ZNF34: variants seen among roughly 807,000 people sequenced by gnomAD.
ZNF34 encodes zinc finger protein 34 (KOX 32).
In ZNF34, 8 loss-of-function variants were observed where a neutral mutation model predicts 14.4. That is an observed-to-expected ratio of 0.55 (90% CI 0.33 to 1.00). The LOEUF (loss-of-function observed/expected upper bound fraction) is 1.00. ZNF34 is among the 50% of genes least tolerant of loss of function. The pLI is 0.03. For missense variants in ZNF34, 538 were observed against 674.2 expected, an observed-to-expected ratio of 0.80 and a Z score of 2.24; for synonymous variants, 235 against 247.9, an observed-to-expected ratio of 0.95 and a Z score of 0.49.
chr8:144,785,696 A>T (rs1470007791), intron 1 of ZNF34: 1 of 152,254 alleles, frequency 6.6e-6, no homozygotes, highest in East Asian at 1.9e-4. Context: ...GTAAACTGGT[A>T]GACACTCTAG....
In ZNF34 at chr8:144,774,148, G is replaced by A. The variant is rs765062688; in HGVS notation, c.738C>T (p.Val246=). 5 of 1,613,904 alleles carry A rather than the reference G, an allele frequency of 3.1e-6. No homozygotes were observed. The highest frequency in any genetic ancestry group is 3.3e-5 in the Admixed American group (2 of 59,990). ...CTTCAGTGTGAAGCCGCTGATGCTT[G>A]ACAAGGTTGGCACTGTACCTGAATG... is the stretch of plus-strand genomic sequence containing the variant. The part of the protein sequence containing the change: ...GKTFRYSANL[V]KHQRLHTEEK... Residue 246 remains valine (V), a synonymous_variant, in exon 6 of 6, where the codon GTC becomes GTT. Coordinates refer to ENST00000429371, the MANE Select transcript of ZNF34 (RefSeq NM_001286769.2).
At position 144,772,491 on chromosome 8, in the gene ZNF34, G is replaced by A. The variant is rs71520596; in HGVS notation, c.*775C>T. ...TTTCATATTATGTTATTTCACCACA[G>A]TTAAAGGCAACTTCAACTCTATTGA... On this transcript the variant is annotated 3_prime_UTR_variant, in exon 6 of 6. Coordinates refer to ENST00000429371, the MANE Select transcript of ZNF34 (RefSeq NM_001286769.2). Among the ~76,000 whole-genome samples the A allele has an allele frequency of 0.024, 3,582 of 152,292 alleles. 43 individuals carry two copies. The highest frequency in any genetic ancestry group is 0.034 in the Non-Finnish European group (2,336 of 68,030).
intron 1 of ZNF34, 46 bp from the exon 2 acceptor site, chr8:144,780,326 A>G (rs753762978): frequency 2.3e-5 from 32 of 1,364,612 alleles, no homozygotes; most frequent in Non-Finnish European, 3.3e-5. Flanking sequence ...TTAATATTAG[A>G]TCAAACACTA....
rs1825235032 is a variant in ZNF34 at position 144,772,485 on chromosome 8, A to C, written c.*781T>G. Among the ~76,000 whole-genome samples, 1 of 152,264 alleles carries C rather than the reference A, an allele frequency of 6.6e-6. No individual in the cohort carries two copies. The highest frequency in any genetic ancestry group is 1.5e-5 in the Non-Finnish European group (1 of 68,048). On this transcript the variant is annotated 3_prime_UTR_variant, in exon 6 of 6. Transcript: ENST00000429371. The stretch of plus-strand genomic sequence containing the variant: ...TGTAAATTTCATATTATGTTATTTC[A>C]CCACAGTTAAAGGCAACTTCAACTC...
rs1825729832 is a variant in ZNF34 at position 144,779,400 on chromosome 8, T to C, written c.-55+828A>G. Among the ~76,000 whole-genome samples, 1 of 152,184 alleles carries C rather than the reference T, an allele frequency of 6.6e-6. No individual in the cohort carries two copies. The highest frequency in any genetic ancestry group is 2.4e-5 in the African/African-American group (1 of 41,442). ...ACCTGTCTACCCTCATGTCCGCACA[T>C]CCTCACCACCTGCTTCTTTGTTCGA... On this transcript the variant is annotated intron_variant, in intron 2 of 5. Coordinates refer to ENST00000429371, the MANE Select transcript of ZNF34 (RefSeq NM_001286769.2). This position sits in a 1 kb window ranked among gnomAD's most constrained non-coding sequence, Gnocchi z 4.1.
intron 2 of ZNF34, among the ~76,000 whole-genome samples, chr8:144,778,871 T>G (rs952363870): frequency 3.9e-5 from 6 of 152,066 alleles, no homozygotes; most frequent in African/African-American, 1.4e-4. Context: ...TAGCTAGGAC[T>G]ACAGGCGCGC....
Position 144,774,194 on chromosome 8 carries a change from T to C in ZNF34, c.692A>G (p.Tyr231Cys), listed in dbSNP as rs368658237. 5.3e-5 allele frequency: 86 copies of C among 1,613,734 alleles called. No individual in the cohort carries two copies. Among genetic ancestry groups the C allele is most frequent in the Non-Finnish European group, 6.8e-5 (80 of 1,179,898 alleles). The part of the protein sequence containing the change: ...QKIPTGKKLH[Y>C]CSYCGKTFRY... ...GAATGTTTTCCCACAGTAACTGCAA[T>C]AATGCAATTTTTTCCCAGTAGGAAT... Residue 231 changes from tyrosine to cysteine, a missense_variant, in exon 6 of 6, where the codon TAT becomes TGT. This residue lies in a region of ZNF34 where 431 missense variants were observed against 525.7 expected (regional missense o/e 0.82). Transcript: ENST00000429371.
At chr8:144,782,370 A>C (rs184244364) in intron 1 of ZNF34, among the ~76,000 whole-genome samples, 136 of 151,452 alleles carry the variant, frequency 9.0e-4, no homozygotes, top group Non-Finnish European at 1.5e-3. Flanking sequence ...TGAACCTGTA[A>C]TCCCAGTAAC....
Position 144,773,812 on chromosome 8 carries a change from GAT to G in ZNF34, c.1072_1073del (p.Ile358ProfsTer13), listed in dbSNP as rs1310377187. ...GKAFSDGSIL[I>X]RHRRTHTGEK... ...CTCCGGTGTGAGTCCGACGATGTCG[GAT>G]AAGGATTGAGCCATCACTGAAGGCT... On this transcript the variant is annotated frameshift_variant, in exon 6 of 6. Transcript: ENST00000429371. LOFTEE classifies it low-confidence loss of function (END_TRUNC). The surrounding 1 kb of genome is among the most constrained non-coding windows in gnomAD (Gnocchi z 5.4). 4 of 1,613,964 alleles carry G rather than the reference GAT, an allele frequency of 2.5e-6. No individual in the cohort carries two copies. The Admixed American group carries it at 5.0e-5, about 20-fold the overall frequency.
rs751349175 is a variant in ZNF34 at position 144,773,692 on chromosome 8, A to G, written c.1194T>C (p.Tyr398=). Residue 398 remains tyrosine (Y), a synonymous_variant, in exon 6 of 6, where the codon TAT becomes TAC. Coordinates refer to ENST00000429371, the MANE Select transcript of ZNF34 (RefSeq NM_001286769.2). The surrounding 1 kb of genome is among the most constrained non-coding windows in gnomAD (Gnocchi z 5.4). The part of the protein sequence containing the change: ...HQRIHTGEKP[Y]KCNECEKAFI... ...AAGCTTTCTCACATTCATTACATTT[A>G]TAGGGTTTCTCTCCAGTGTGAATTC... 9.3e-6 allele frequency: 15 copies of G among 1,613,732 alleles called. No homozygotes were observed. In the African/African-American group the frequency reaches 2.0e-4, roughly 22 times the overall value.
intron 1 of ZNF34, among the ~76,000 whole-genome samples, chr8:144,785,922 T>A (rs1339649827): frequency 1.3e-5 from 2 of 151,674 alleles, no homozygotes; most frequent in African/African-American, 4.8e-5. Flanking sequence ...TAGAGCACAG[T>A]TATAAGGCTG....
At chr8:144,786,958 TGGAGCGCATC>T (rs919218852) in intron 1 of ZNF34, among the ~76,000 whole-genome samples, 9 of 152,058 alleles carry the variant, frequency 5.9e-5, no homozygotes, top group Non-Finnish European at 1.3e-4. Context: ...CCAAGGGGTC[TGGAGCGCATC>T]GGGACGCAGA....
Position 144,773,209 on chromosome 8 carries a change from C to G in ZNF34, c.*57G>C. 6.6e-7 allele frequency: 1 copy of G among 1,522,784 alleles called. No individual in the cohort carries two copies. The highest frequency in any genetic ancestry group is 8.8e-7 in the Non-Finnish European group (1 of 1,132,134). The allele number at this position is 1,522,784 out of a possible 1,614,324, so 94.3% of individuals were successfully genotyped here. A position where few individuals can be genotyped will look rare whatever the true frequency, so the allele number is the denominator to read the frequency against. On this transcript the variant is annotated 3_prime_UTR_variant, in exon 6 of 6. Coordinates refer to ENST00000429371, the MANE Select transcript of ZNF34 (RefSeq NM_001286769.2). The surrounding 1 kb of genome is among the most constrained non-coding windows in gnomAD (Gnocchi z 5.4). The stretch of plus-strand genomic sequence containing the variant: ...ATACATAAAGGGCAGAGTCAGGTGC[C>G]GGGGGCGCATGCAGGAAGTGCTCAG...
chr8:144,785,038 G>C (rs552222146), intron 1 of ZNF34, among the ~76,000 whole-genome samples: 2 of 143,348 alleles, frequency 1.4e-5, no homozygotes, highest in East Asian at 4.3e-4. Context: ...AATCGTTTGA[G>C]AGTGGGAGAT....
intron 5 of ZNF34, among the ~76,000 whole-genome samples, chr8:144,776,689 C>T (rs1304412484): frequency 2.0e-5 from 3 of 152,036 alleles, no homozygotes; most frequent in Admixed American, 6.6e-5. Context: ...GCGAGAGGAT[C>T]GCTTGAGCCT....
Position 144,774,577 on chromosome 8 carries a change from C to T in ZNF34, c.309G>A (p.Glu103=). 2 of 1,613,772 alleles carry T rather than the reference C, an allele frequency of 1.2e-6. No homozygotes were observed. The highest frequency in any genetic ancestry group is 2.2e-5 in the South Asian group (2 of 91,070). The part of the protein sequence containing the change: ...PALGTRTEYK[E]LTSQETFGEE... ...CACCAAATGTCTCCTGTGAAGTCAA[C>T]TCCTTGTACTCAGTTCTGGTCCCAA... is the stretch of plus-strand genomic sequence containing the variant. Residue 103 remains glutamate (E), a synonymous_variant, in exon 6 of 6, where the codon GAG becomes GAA. Coordinates refer to ENST00000429371, the MANE Select transcript of ZNF34 (RefSeq NM_001286769.2).
chr8:144,781,057 A>AC lies in ZNF34; in HGVS notation c.-107-778dup, dbSNP rs1481611676. On this transcript the variant is annotated intron_variant, in intron 1 of 5. Coordinates refer to ENST00000429371, the MANE Select transcript of ZNF34 (RefSeq NM_001286769.2). ...AGGCTGAGGCAGGAGAATGGTGTGAACCGGGAGGCAGAGCTTGCAGTGAGC... is the reference window on the plus strand; with the variant it reads ...AGGCTGAGGCAGGAGAATGGTGTGAACCCGGGAGGCAGAGCTTGCAGTGAGC... 1.6e-4 allele frequency among the ~76,000 whole-genome samples: 23 copies of AC among 146,628 alleles called. 1 individual carries two copies. The highest frequency in any genetic ancestry group is 8.9e-4 in the South Asian group (4 of 4,474).
chr8:144,784,132 C>T (rs1210849617), intron 1 of ZNF34, among the ~76,000 whole-genome samples: 3 of 148,852 alleles, frequency 2.0e-5, no homozygotes, highest in Non-Finnish European at 3.0e-5. Flanking sequence ...TGCACTCCAT[C>T]GTGGGTGACA....
In ZNF34 at chr8:144,773,856, A is replaced by G. The variant is rs771259935; in HGVS notation, c.1030T>C (p.Cys344Arg). The G allele has an allele frequency of 6.2e-7, 1 of 1,614,070 alleles. No individual in the cohort carries two copies. Among genetic ancestry groups the G allele is most frequent in the Non-Finnish European group, 8.5e-7 (1 of 1,180,014 alleles). The change falls in exon 6 of 6, where the codon TGT becomes CGT. Residue 344 changes from cysteine to arginine, a missense_variant. Cys to Arg is a radical substitution (Grantham distance 180, BLOSUM62 -3). This residue lies in a region of ZNF34 where 431 missense variants were observed against 525.7 expected (regional missense o/e 0.82). Transcript: ENST00000429371. The surrounding 1 kb of genome is among the most constrained non-coding windows in gnomAD (Gnocchi z 5.4). ...CTGAAGGCTTTCCCGCAGTCATTAC[A>G]TTTATAGGGTTTCTCTCCGGTGTGG... ...RIHTGEKPYKCNDCGKAFSDG... is the reference protein window; with the variant it reads ...RIHTGEKPYKRNDCGKAFSDG...
Sources: gnomAD v4.1 joint callset for allele counts (sites outside exome capture counted in the v4.1 genomes callset) on GRCh38, gnomAD v4.1.1 for gene constraint, gnomAD v4.1.1 regional missense constraint, Gnocchi (gnomAD v3.1) non-coding constraint, MANE v1.5 for transcripts, NCBI Gene and HGNC (gene_info 2026-07-23, HGNC 2026-07-21) for gene names.